The following HS2ST1 variants were observed in gnomAD, a reference collection of about 807,000 sequenced individuals.
HS2ST1 encodes the protein heparan sulfate 2-O-sulfotransferase 1.
A neutral mutation model predicts 42.9 loss-of-function variants in HS2ST1; 18 were observed. That is an observed-to-expected ratio of 0.42 (90% CI 0.29 to 0.62). HS2ST1 has a LOEUF of 0.62. HS2ST1 is among the 20% of genes least tolerant of loss of function. The pLI, the probability that HS2ST1 is intolerant of heterozygous loss-of-function variation, is 0.21. For missense variants in HS2ST1, 334 were observed against 433.8 expected (o/e 0.77, Z 2.04); for synonymous variants, 146 against 152.9 (o/e 0.95, Z 0.33).
chr1:86,916,632 C>T (rs958865359), intron 1 of HS2ST1, among the ~76,000 whole-genome samples: 7 of 152,038 alleles, frequency 4.6e-5, no homozygotes, highest in Non-Finnish European at 8.8e-5. Context: ...TAATATGTAT[C>T]TTGTGTGGTG....
At chr1:86,946,773 G>A (rs1007540383) in intron 1 of HS2ST1, among the ~76,000 whole-genome samples, 8 of 152,184 alleles carry the variant, frequency 5.3e-5, no homozygotes, top group African/African-American at 1.7e-4. Context: ...CATTGCAGAT[G>A]TGTACCATAA....
At chr1:87,021,162 T>G (rs1159863417) in intron 1 of HS2ST1, among the ~76,000 whole-genome samples, 1 of 152,156 alleles carries the variant, frequency 6.6e-6, no homozygotes, top group Admixed American at 6.5e-5. Flanking sequence ...ATAAAAAAAA[T>G]TACCAGCAGG....
At chr1:87,064,469 G>A in intron 1 of HS2ST1, 1 of 518,626 alleles carries the variant, frequency 1.9e-6, no homozygotes, top group Non-Finnish European at 3.9e-6. Context: ...GGAAGTCACT[G>A]TTAGCTCTTT....
chr1:87,018,250 C>T (rs1003667841), intron 1 of HS2ST1, among the ~76,000 whole-genome samples: 10 of 151,970 alleles, frequency 6.6e-5, no homozygotes, highest in Admixed American at 5.9e-4. Context: ...AATATTTTTC[C>T]TTTGCCAGCT....
intron 1 of HS2ST1, among the ~76,000 whole-genome samples, chr1:87,031,886 G>A (rs1273519919): frequency 6.6e-6 from 1 of 152,098 alleles, no homozygotes; most frequent in Non-Finnish European, 1.5e-5. Flanking sequence ...GAAATGTTTA[G>A]GTGCCAGTCT....
intron 1 of HS2ST1, among the ~76,000 whole-genome samples, chr1:86,990,812 T>TTATAGATATATA (rs1553135488): frequency 9.8e-5 from 1 of 10,246 alleles, no homozygotes; most frequent in African/African-American, 1.5e-4. Flanking sequence ...CTGGCTAATT[T>TTATAGATATATA]TATATATATA....
intron 1 of HS2ST1, among the ~76,000 whole-genome samples, chr1:86,935,169 T>C (rs1317345175): frequency 3.9e-5 from 6 of 152,068 alleles, no homozygotes; most frequent in Non-Finnish European, 7.4e-5. Context: ...CTTTGTCTAA[T>C]AGTTCTTGTG....
intron 1 of HS2ST1, among the ~76,000 whole-genome samples, chr1:87,018,946 A>G (rs1649843645): frequency 6.6e-6 from 1 of 152,204 alleles, no homozygotes; most frequent in Non-Finnish European, 1.5e-5. Context: ...GTATGTTTGT[A>G]AAATGCATGG....
At chr1:87,028,400 T>C (rs1313840949) in intron 1 of HS2ST1, among the ~76,000 whole-genome samples, 1 of 152,228 alleles carries the variant, frequency 6.6e-6, no homozygotes, top group Non-Finnish European at 1.5e-5. Context: ...GAGAAGAAAA[T>C]AGTTTTACTG....
chr1:86,964,460 A>T (rs1289413081), intron 1 of HS2ST1, among the ~76,000 whole-genome samples: 1 of 152,062 alleles, frequency 6.6e-6, no homozygotes, highest in Non-Finnish European at 1.5e-5. Flanking sequence ...ACACAGCGAA[A>T]CCCCGTCTCC....
chr1:87,008,085 T>G (rs1446120271), intron 1 of HS2ST1, among the ~76,000 whole-genome samples: 1 of 152,156 alleles, frequency 6.6e-6, no homozygotes, highest in Non-Finnish European at 1.5e-5. Context: ...AGAAATAATA[T>G]TTTAATAGAA....
intron 1 of HS2ST1, among the ~76,000 whole-genome samples, chr1:87,034,699 A>G (rs1336286019): frequency 1.3e-5 from 2 of 152,214 alleles, no homozygotes; most frequent in Non-Finnish European, 2.9e-5. Flanking sequence ...CCCTTTTAAA[A>G]GACAATAAAA....
intron 2 of HS2ST1, among the ~76,000 whole-genome samples, chr1:87,076,379 T>G (rs1000111241): frequency 2.0e-5 from 3 of 152,112 alleles, no homozygotes; most frequent in Admixed American, 2.0e-4. Flanking sequence ...TCAGAAAAAA[T>G]TGAGTATGTA....
At chr1:86,917,539 A>G (rs1470516178) in intron 1 of HS2ST1, among the ~76,000 whole-genome samples, 2 of 151,992 alleles carry the variant, frequency 1.3e-5, no homozygotes, top group Non-Finnish European at 2.9e-5. Context: ...AAACCAAAGA[A>G]CAACAGAAAG....
rs533275429 is a variant in HS2ST1, at chr1:87,066,866, T to C, written c.125-6068T>C. On this transcript the variant is annotated intron_variant, in intron 1 of 6. Transcript: ENST00000370550. Reference sequence around the variant, plus strand: ...GTTAGTTTGCTGAGAATGATGGTTTTCAGCTTTATCCATGTCCCTGCAAAG... The same window carrying C: ...GTTAGTTTGCTGAGAATGATGGTTTCCAGCTTTATCCATGTCCCTGCAAAG... Among the ~76,000 whole-genome samples, 182 of 152,262 alleles carry C rather than the reference T, an allele frequency of 1.2e-3. 1 individual carries two copies. The highest frequency in any genetic ancestry group is 4.1e-3 in the African/African-American group (171 of 41,558).
intron 2 of HS2ST1, among the ~76,000 whole-genome samples, chr1:87,077,888 T>C (rs1651585135): frequency 1.3e-5 from 2 of 152,192 alleles, no homozygotes; most frequent in Non-Finnish European, 2.9e-5. Flanking sequence ...CCCCCTGCCC[T>C]ACACTCCTAA....
At chr1:87,099,469 C>A (rs1309918953) in intron 5 of HS2ST1, among the ~76,000 whole-genome samples, 1 of 152,144 alleles carries the variant, frequency 6.6e-6, no homozygotes, top group Non-Finnish European at 1.5e-5. Flanking sequence ...TCAGTTATCA[C>A]CAAGGGGATG....
intron 1 of HS2ST1, among the ~76,000 whole-genome samples, chr1:87,059,671 A>G (rs1190369269): frequency 6.6e-6 from 1 of 152,322 alleles, no homozygotes; most frequent in East Asian, 1.9e-4. Flanking sequence ...TTTTAAAAAT[A>G]GATACTTGGT....
At chr1:86,974,978 C>T (rs1485277730) in intron 1 of HS2ST1, among the ~76,000 whole-genome samples, 1 of 152,134 alleles carries the variant, frequency 6.6e-6, no homozygotes, top group Non-Finnish European at 1.5e-5. Context: ...AAGTCAACTT[C>T]TTGGGACTCC....
Sources: gnomAD v4.1 joint callset for allele counts (sites outside exome capture counted in the v4.1 genomes callset) on GRCh38, gnomAD v4.1.1 for gene constraint, MANE v1.5 for transcripts, NCBI Gene and HGNC (gene_info 2026-07-23, HGNC 2026-07-21) for gene names.